ADAM7: variants seen among roughly 807,000 people sequenced by gnomAD.
ADAM7 encodes the protein ADAM metallopeptidase domain 7, also known as disintegrin and metalloproteinase domain-containing protein 7.
Under a neutral mutation model 102.9 loss-of-function variants are expected in ADAM7, and 97 were observed. The observed-to-expected ratio is 0.94, with a 90% CI of 0.80 to 1.12. The LOEUF is 1.12. Ranked by LOEUF, ADAM7 falls within the 50% of genes most tolerant of loss-of-function variation. The probability of loss-of-function intolerance (pLI) is 0.00; values close to 1 mark genes in which losing one functional copy is unlikely to be tolerated. For missense variants in ADAM7, 991 were observed against 908.7 expected, an observed-to-expected ratio of 1.09 and a Z score of -1.16; for synonymous variants, 334 against 304.4, an observed-to-expected ratio of 1.10 and a Z score of -1.01.
intron 20 of ADAM7, among the ~76,000 whole-genome samples, chr8:24,502,242 C>T (rs1446439511): frequency 3.3e-5 from 5 of 151,928 alleles, no homozygotes; most frequent in South Asian, 2.1e-4. Flanking sequence ...TTAAATACCA[C>T]GTGCCAAAAC....
intron 16 of ADAM7, among the ~76,000 whole-genome samples, chr8:24,494,997 T>C (rs1820505572): frequency 6.6e-6 from 1 of 152,146 alleles, no homozygotes; most frequent in Admixed American, 6.5e-5. Context: ...CAGACAGGGT[T>C]TCAGTGGAGG....
Position 24,487,426 on chromosome 8 carries a change from C to T in ADAM7, c.1091+109C>T, listed in dbSNP as rs981200554. The T allele has an allele frequency of 3.9e-5, 52 of 1,348,686 alleles. 1 individual carries two copies. In the Admixed American group the frequency reaches 6.5e-4, roughly 17 times the overall value. The allele number at this position is 1,348,686 out of a possible 1,614,324, so 83.5% of individuals were successfully genotyped here. A position where few individuals can be genotyped will look rare whatever the true frequency, so the allele number is the denominator to read the frequency against. ...CTTTGGGAGGCCGAGGCAGGTGGAT[C>T]ACCTGAGGTCAGGAGTTCGAGACCA... On this transcript the variant is annotated intron_variant, in intron 11 of 21. Transcript: ENST00000175238.
At chr8:24,474,329 T>A (rs1195041195) in intron 7 of ADAM7, among the ~76,000 whole-genome samples, 1 of 152,164 alleles carries the variant, frequency 6.6e-6, no homozygotes, top group Non-Finnish European at 1.5e-5. Flanking sequence ...TAATAATATA[T>A]GTGTTATTAA....
chr8:24,456,377 G>A (rs926115059), intron 3 of ADAM7, among the ~76,000 whole-genome samples: 1 of 151,928 alleles, frequency 6.6e-6, no homozygotes, highest in East Asian at 1.9e-4. Flanking sequence ...TTCATCTGTC[G>A]ATGGACGCCT....
intron 3 of ADAM7, among the ~76,000 whole-genome samples, chr8:24,462,532 C>T (rs1291502005): frequency 6.6e-6 from 1 of 152,160 alleles, no homozygotes; most frequent in East Asian, 1.9e-4. Flanking sequence ...TGTGCCTTCT[C>T]CCCTGAGCCT....
chr8:24,482,540 G>A (rs1005585584), intron 9 of ADAM7, among the ~76,000 whole-genome samples: 3 of 152,032 alleles, frequency 2.0e-5, no homozygotes, highest in African/African-American at 7.2e-5. Context: ...TTTAGCCTAG[G>A]AGTTCAAGAC....
At chr8:24,454,679 C>T (rs1472219947) in intron 3 of ADAM7, among the ~76,000 whole-genome samples, 4 of 152,168 alleles carry the variant, frequency 2.6e-5, no homozygotes, top group Non-Finnish European at 5.9e-5. Flanking sequence ...CGCCCACTGT[C>T]TGGCACTCCC....
chr8:24,492,161 C>A, intron 14 of ADAM7, 63 bp downstream of exon 14: 1 of 1,488,948 alleles, frequency 6.7e-7, no homozygotes, highest in South Asian at 1.3e-5. Context: ...TGTTATTGCC[C>A]TGTAGGAATT....
Position 24,482,221 on chromosome 8 carries a change from C to A in ADAM7, c.785C>A (p.Ser262Ter). The part of the protein sequence containing the change: ...WTHEDKIELY[S>*]NIETTLLRFS... Reference sequence around the variant, plus strand: ...CATGAAGATAAAATAGAACTATATTCAAATATAGAAACTACCTTATTGCGT... The same window carrying A: ...CATGAAGATAAAATAGAACTATATTAAAATATAGAAACTACCTTATTGCGT... Residue 262 changes from serine to a stop codon, truncating the protein, a stop_gained, in exon 9 of 22, where the codon TCA becomes TAA. Transcript: ENST00000175238. LOFTEE classifies it high-confidence loss of function. The A allele has an allele frequency of 1.2e-6, 2 of 1,608,656 alleles. No homozygotes were observed. Among genetic ancestry groups the A allele is most frequent in the South Asian group, 2.2e-5 (2 of 89,548 alleles).
In ADAM7 at chr8:24,489,185, G is replaced by C. The variant is rs201909728; in HGVS notation, c.1118G>C (p.Cys373Ser). Residue 373 changes from cysteine (C) to serine (S), a missense_variant, in exon 12 of 22, where the codon TGC becomes TCC. Physicochemically the swap from Cys to Ser is moderately radical, Grantham distance 112 (BLOSUM62 -1). Transcript: ENST00000175238. ...ATTCCTGCACTGAAATTCAGTAAAT[G>C]CAGCCAAAACCAATACCACCAGTAC... ...GSIPALKFSK[C>S]SQNQYHQYLK... 8.7e-6 allele frequency: 14 copies of C among 1,611,356 alleles called. No homozygotes were observed. The East Asian group carries it at 2.9e-4, about 33-fold the overall frequency.
In ADAM7 at chr8:24,501,498, A is replaced by C. The variant is rs1366780403; in HGVS notation, c.2130A>C (p.Gly710=). Residue 710 remains glycine, a synonymous_variant, in exon 20 of 22, where the codon GGA becomes GGC. Transcript: ENST00000175238. ...QVQSPPTETL[G]VENKGYFGDE... ...ACAGCCCACCTACAGAAACCCTGGG[A>C]GTGGAGAACAAAGGATACTTTGGTG... is the stretch of plus-strand genomic sequence containing the variant. 3.1e-6 allele frequency: 5 copies of C among 1,607,696 alleles called. No individual in the cohort carries two copies. Among genetic ancestry groups the C allele is most frequent in the Non-Finnish European group, 4.2e-6 (5 of 1,177,806 alleles).
rs868762587 is a variant in ADAM7, at chr8:24,493,229, G to A, written c.1842G>A (p.Met614Ile). ...VASGTKCGEG[M>I]VCNNGECLNM... is the part of the protein sequence containing the mutation. ...CAGGAACAAAATGTGGAGAGGGAAT[G>A]GTAAGACAAAAGCCCTTTGTTTTAT... The change falls in exon 16 of 22, where the codon ATG becomes ATA. Residue 614 changes from methionine to isoleucine, a missense_variant and splice_region_variant. Coordinates refer to ENST00000175238, the MANE Select transcript of ADAM7 (RefSeq NM_003817.4). 30 of 1,590,558 alleles carry A rather than the reference G, an allele frequency of 1.9e-5. No homozygotes were observed. Among genetic ancestry groups the A allele is most frequent in the Non-Finnish European group, 2.6e-5 (30 of 1,171,188 alleles).
chr8:24,450,730 T>C lies in ADAM7; in HGVS notation c.233+3468T>C, dbSNP rs916599374. On this transcript the variant is annotated intron_variant, in intron 3 of 21. Coordinates refer to ENST00000175238, the MANE Select transcript of ADAM7 (RefSeq NM_003817.4). The stretch of plus-strand genomic sequence containing the variant: ...AGAGGGCATCCCTGTCTTGTGCCAG[T>C]TTTCAAAGGGAATGCTTCCAGTTTT... Among the ~76,000 whole-genome samples, 12 of 151,714 alleles carry C rather than the reference T, an allele frequency of 7.9e-5. No homozygotes were observed. In the South Asian group the frequency reaches 1.7e-3, roughly 21 times the overall value.
At chr8:24,471,401 G>A (rs962509139) in intron 7 of ADAM7, among the ~76,000 whole-genome samples, 8 of 151,240 alleles carry the variant, frequency 5.3e-5, no homozygotes, top group East Asian at 1.9e-4. Flanking sequence ...TCTTTGACTC[G>A]TCCAGAGAAA....
chr8:24,485,500 T>C (rs554894875), intron 10 of ADAM7, 139 bp downstream of exon 10: 1 of 633,176 alleles, frequency 1.6e-6, no homozygotes, highest in East Asian at 3.1e-5. Flanking sequence ...CTGTTATGCT[T>C]CCTTTATTAA....
At chr8:24,463,759 T>C (rs1033752836) in intron 3 of ADAM7, 123 bp from the exon 4 acceptor site, 11 of 718,608 alleles carry the variant, frequency 1.5e-5, no homozygotes, top group South Asian at 3.9e-5. Flanking sequence ...TTACTATTTC[T>C]AGCGGAAGAG....
At chr8:24,490,007 G>A (rs921746813) in intron 12 of ADAM7, among the ~76,000 whole-genome samples, 1 of 152,134 alleles carries the variant, frequency 6.6e-6, no homozygotes, top group Non-Finnish European at 1.5e-5. Context: ...AGTATGGAGT[G>A]GTTCTGAGAT....
At chr8:24,456,632 ATTTT>A (rs71212541) in intron 3 of ADAM7, among the ~76,000 whole-genome samples, 9 of 136,958 alleles carry the variant, frequency 6.6e-5, no homozygotes, top group Non-Finnish European at 7.9e-5. Flanking sequence ...TGTCCTGGGA[ATTTT>A]TTTTTTTTTT....
intron 19 of ADAM7, 76 bp from the exon 20 acceptor site, chr8:24,501,401 G>A (rs1220898359): frequency 9.4e-7 from 1 of 1,063,578 alleles, no homozygotes; most frequent in East Asian, 2.5e-5. Context: ...AATTACTAAA[G>A]CTTACTCATG....
Sources: allele counts gnomAD v4.1 joint callset (sites outside exome capture counted in the v4.1 genomes callset), GRCh38; gene constraint gnomAD v4.1.1; transcripts MANE v1.5; gene names NCBI Gene and HGNC (gene_info 2026-07-23, HGNC 2026-07-21).